RAPH1: variants seen among roughly 807,000 people sequenced by gnomAD.
RAPH1 encodes Ras association (RalGDS/AF-6) and pleckstrin homology domains 1.
A neutral mutation model predicts 88.1 loss-of-function variants in RAPH1; 18 were observed. The observed-to-expected ratio is 0.20, with a 90% CI of 0.14 to 0.30. RAPH1 has a LOEUF of 0.30. Among genes scored for constraint, RAPH1 ranks in the 10% least tolerant of loss-of-function variants. RAPH1 has a pLI of 1.00. For missense variants in RAPH1, 1,448 were observed against 1,543.2 expected (o/e 0.94, Z 1.03); for synonymous variants, 587 against 559.0 (o/e 1.05, Z -0.71).
chr2:203,470,756 C>T (rs1166771242), intron 4 of RAPH1, among the ~76,000 whole-genome samples: 1 of 152,206 alleles, frequency 6.6e-6, no homozygotes, highest in Non-Finnish European at 1.5e-5. Flanking sequence ...AAGACGACAT[C>T]ATTTTTAAAA....
chr2:203,486,691 T>C (rs1559479699), intron 4 of RAPH1, among the ~76,000 whole-genome samples: 1 of 152,152 alleles, frequency 6.6e-6, no homozygotes, highest in Non-Finnish European at 1.5e-5. Flanking sequence ...ACTAAAATAT[T>C]TTTAAAACTG....
In RAPH1 at chr2:203,439,503, CAACGT is replaced by C. The variant is rs2098501278; in HGVS notation, c.3682_3686del (p.Thr1228AlafsTer42). ...GGGGAGCAGGAGGGGGTCCTCTCCGCAACGTTGCATAGCCTGATATATGACTGCCT... is the reference window on the plus strand; with the variant it reads ...GGGGAGCAGGAGGGGGTCCTCTCCGCTGCATAGCCTGATATATGACTGCCT... On this transcript the variant is annotated frameshift_variant, in exon 14 of 14. Coordinates refer to ENST00000319170, the MANE Select transcript of RAPH1 (RefSeq NM_213589.3). LOFTEE classifies it high-confidence loss of function. 6.2e-7 allele frequency: 1 copy of C among 1,613,952 alleles called. No individual in the cohort carries two copies. The highest frequency in any genetic ancestry group is 1.1e-5 in the South Asian group (1 of 91,082).
chr2:203,528,849 T>C (rs1581418351), intron 1 of RAPH1, among the ~76,000 whole-genome samples: 1 of 151,390 alleles, frequency 6.6e-6, no homozygotes, highest in African/African-American at 2.4e-5. Flanking sequence ...ATAAACCAAA[T>C]GAGCCAAGAA....
At chr2:203,493,602 T>C (rs1424096944) in intron 2 of RAPH1, among the ~76,000 whole-genome samples, 2 of 152,100 alleles carry the variant, frequency 1.3e-5, no homozygotes, top group Non-Finnish European at 2.9e-5. Flanking sequence ...ACATAAGACA[T>C]CTCTGACAAA....
At chr2:203,488,512 C>T (rs1021623625) in intron 4 of RAPH1, among the ~76,000 whole-genome samples, 1 of 140,812 alleles carries the variant, frequency 7.1e-6, no homozygotes, top group Admixed American at 7.5e-5. Flanking sequence ...TCACTTAACC[C>T]GGGAGGCAAG....
chr2:203,464,965 C>T (rs971370330), intron 4 of RAPH1, among the ~76,000 whole-genome samples: 1 of 152,150 alleles, frequency 6.6e-6, no homozygotes, highest in Non-Finnish European at 1.5e-5. Flanking sequence ...TCAGAATGGC[C>T]AAAATCCAAA....
chr2:203,437,707 T>G lies in RAPH1; in HGVS notation c.*1730A>C. On this transcript the variant is annotated 3_prime_UTR_variant, in exon 14 of 14. Coordinates refer to ENST00000319170, the MANE Select transcript of RAPH1 (RefSeq NM_213589.3). ...CGTGGAGTGTGGGTTATGCAAGACC[T>G]TGAGTATACTGTACTAATTAAGCAC... 6.3e-6 allele frequency: 1 copy of G among 158,488 alleles called. No homozygotes were observed. The highest frequency in any genetic ancestry group is 1.4e-5 in the Non-Finnish European group (1 of 72,420). 9.8% of individuals were successfully genotyped at this position (158,488 alleles called of 1,614,324 possible). A position where few individuals can be genotyped will look rare whatever the true frequency, so the allele number is the denominator to read the frequency against.
chr2:203,460,110 C>T, intron 6 of RAPH1, 82 bp from the exon 7 acceptor site: 1 of 1,218,724 alleles, frequency 8.2e-7, no homozygotes, highest in Middle Eastern at 2.7e-4. Context: ...AAGTAGTTAA[C>T]CTCAGAACCA....
At chr2:203,497,337 A>G (rs1221280514) in intron 1 of RAPH1, among the ~76,000 whole-genome samples, 2 of 152,214 alleles carry the variant, frequency 1.3e-5, no homozygotes, top group African/African-American at 2.4e-5. Context: ...ATTTTATTGC[A>G]GCAGCACACA....
In RAPH1 at chr2:203,436,670, G is replaced by A. The variant is rs1028977488; in HGVS notation, c.*2767C>T. On this transcript the variant is annotated 3_prime_UTR_variant, in exon 14 of 14. Coordinates refer to ENST00000319170, the MANE Select transcript of RAPH1 (RefSeq NM_213589.3). The stretch of plus-strand genomic sequence containing the variant: ...GTTAATCCATGCTGTTCACTTTTCA[G>A]TACAGCCAAGTCAACTGCACAGACT... 1 of 152,214 alleles carries A rather than the reference G, an allele frequency of 6.6e-6. No individual in the cohort carries two copies. Among genetic ancestry groups the A allele is most frequent in the African/African-American group, 2.4e-5 (1 of 41,434 alleles). 9.4% of individuals were successfully genotyped at this position (152,214 alleles called of 1,614,324 possible). A position where few individuals can be genotyped will look rare whatever the true frequency, so the allele number is the denominator to read the frequency against.
intron 1 of RAPH1, among the ~76,000 whole-genome samples, chr2:203,529,756 A>G (rs1690306761): frequency 6.6e-6 from 1 of 152,184 alleles, no homozygotes; most frequent in South Asian, 2.1e-4. Context: ...GCTAGCTATC[A>G]CCATTCTTCA....
intron 4 of RAPH1, among the ~76,000 whole-genome samples, chr2:203,487,632 G>A (rs1027372386): frequency 6.3e-4 from 96 of 152,172 alleles, no homozygotes; most frequent in African/African-American, 2.2e-3. Flanking sequence ...TGATCCGCCC[G>A]CCTCGGCCTC....
At chr2:203,495,393 C>T (rs1042790432) in intron 1 of RAPH1, 40 bp from the exon 2 acceptor site, 6 of 1,608,960 alleles carry the variant, frequency 3.7e-6, no homozygotes, top group East Asian at 2.2e-5. Context: ...TAGTAAGTTA[C>T]AGGTTTAACT....
chr2:203,476,332 G>A (rs1185351029), intron 4 of RAPH1, among the ~76,000 whole-genome samples: 1 of 151,948 alleles, frequency 6.6e-6, no homozygotes, highest in East Asian at 1.9e-4. Context: ...CACCAAGCCT[G>A]GCTAATTTTT....
At chr2:203,465,442 C>T (rs540485530) in intron 4 of RAPH1, among the ~76,000 whole-genome samples, 1 of 152,196 alleles carries the variant, frequency 6.6e-6, no homozygotes, top group African/African-American at 2.4e-5. Context: ...AAGCCAAAAC[C>T]ATAAAGACGA....
Position 203,435,401 on chromosome 2 carries a change from G to GT in RAPH1, c.*4035dup, listed in dbSNP as rs1490030136. 6.6e-6 allele frequency: 1 copy of GT among 150,750 alleles called. No homozygotes were observed. Among genetic ancestry groups the GT allele is most frequent in the Non-Finnish European group, 1.5e-5 (1 of 67,844 alleles). The allele number at this position is 150,750 out of a possible 1,614,324, so 9.3% of individuals were successfully genotyped here. ...AAAAAAAAACCTTAAAAGATAATAA[G>GT]TATCTAATTCTTTTATACTTGCATT... On this transcript the variant is annotated 3_prime_UTR_variant, in exon 14 of 14. Coordinates refer to ENST00000319170, the MANE Select transcript of RAPH1 (RefSeq NM_213589.3).
At chr2:203,475,854 G>A (rs1687405222) in intron 4 of RAPH1, among the ~76,000 whole-genome samples, 1 of 151,276 alleles carries the variant, frequency 6.6e-6, no homozygotes, top group African/African-American at 2.4e-5. Flanking sequence ...TTTTAATAGT[G>A]GCAGCTAAGC....
intron 8 of RAPH1, among the ~76,000 whole-genome samples, chr2:203,455,941 G>A (rs978888312): frequency 1.7e-4 from 26 of 151,824 alleles, no homozygotes; most frequent in African/African-American, 5.6e-4. Flanking sequence ...CCTGGGAGGC[G>A]GAGATTGCAG....
chr2:203,466,469 C>T (rs958459884), intron 4 of RAPH1, among the ~76,000 whole-genome samples: 6 of 152,220 alleles, frequency 3.9e-5, no homozygotes, highest in African/African-American at 7.2e-5. Context: ...TTTGCTGATA[C>T]GTTTAGATGA....
Sources: gnomAD v4.1 joint callset for allele counts (sites outside exome capture counted in the v4.1 genomes callset) on GRCh38, gnomAD v4.1.1 for gene constraint, MANE v1.5 for transcripts, NCBI Gene and HGNC (gene_info 2026-07-23, HGNC 2026-07-21) for gene names.